The following CYP46A1 variants were observed in gnomAD, a reference collection of about 807,000 sequenced individuals.
CYP46A1 encodes cytochrome P450 family 46 subfamily A member 1.
A neutral mutation model predicts 63.3 loss-of-function variants in CYP46A1; 20 were observed. The observed-to-expected ratio is 0.32, with a 90% CI of 0.22 to 0.46. CYP46A1 has a LOEUF of 0.46. Ranked by LOEUF, CYP46A1 falls within the 20% of genes least tolerant of loss-of-function variation. The pLI, the probability that CYP46A1 is intolerant of heterozygous loss-of-function variation, is 1.00. For synonymous variants in CYP46A1, 268 were observed against 273.6 expected (o/e 0.98, Z 0.20); for missense variants, 445 against 670.8 (o/e 0.66, Z 3.72).
At chr14:99,695,124 A>T (rs1386657215) in intron 3 of CYP46A1, among the ~76,000 whole-genome samples, 8 of 152,338 alleles carry the variant, frequency 5.3e-5, no homozygotes, top group African/African-American at 7.2e-5. Context: ...ATTGATTTCT[A>T]ATTTAATTCT....
chr14:99,700,175 T>A, intron 5 of CYP46A1, 74 bp downstream of exon 5: 2 of 1,227,706 alleles, frequency 1.6e-6, no homozygotes, highest in South Asian at 1.5e-5. Flanking sequence ...TAGGTGGGCC[T>A]TGGGGAGGGA....
chr14:99,697,613 T>C (rs1446215071), intron 3 of CYP46A1, among the ~76,000 whole-genome samples: 1 of 152,206 alleles, frequency 6.6e-6, no homozygotes, highest in Non-Finnish European at 1.5e-5. Context: ...AGACATTTCA[T>C]ACATTTCCCA....
intron 1 of CYP46A1, among the ~76,000 whole-genome samples, chr14:99,689,767 A>G (rs2056527607): frequency 1.3e-5 from 2 of 151,278 alleles, no homozygotes; most frequent in Admixed American, 1.3e-4. Context: ...AGCCCTCGTC[A>G]CCTCTCCCAG....
chr14:99,713,960 C>T (rs1300805040), intron 7 of CYP46A1, among the ~76,000 whole-genome samples: 1 of 146,880 alleles, frequency 6.8e-6, no homozygotes, highest in Non-Finnish European at 1.5e-5. Context: ...AAACTATCAA[C>T]AGAATAAAGA....
Position 99,684,365 on chromosome 14 carries a change from G to A in CYP46A1, c.-53G>A. On this transcript the variant is annotated 5_prime_UTR_variant, in exon 1 of 15. Coordinates refer to ENST00000261835, the MANE Select transcript of CYP46A1 (RefSeq NM_006668.2). The stretch of plus-strand genomic sequence containing the variant: ...CAGCTGAGTCGGCTCGCGGCCTCCC[G>A]GCCCCCTCGGCGCCCGGCCCGACCC... The A allele has an allele frequency of 5.2e-6, 6 of 1,158,960 alleles. No individual in the cohort carries two copies. Among genetic ancestry groups the A allele is most frequent in the Non-Finnish European group, 6.5e-6 (6 of 917,690 alleles). 71.8% of individuals were successfully genotyped at this position (1,158,960 alleles called of 1,614,324 possible).
At chr14:99,717,801 C>A in intron 9 of CYP46A1, 5 of 450,980 alleles carry the variant, frequency 1.1e-5, no homozygotes, top group Non-Finnish European at 2.0e-5. Context: ...TGTGTCCCCC[C>A]CACTCTCCCT....
intron 1 of CYP46A1, among the ~76,000 whole-genome samples, chr14:99,689,258 C>A (rs1191224347): frequency 1.3e-5 from 2 of 152,196 alleles, no homozygotes; most frequent in African/African-American, 4.8e-5. Context: ...TTGGTCCCCC[C>A]AAAGCTGATC....
intron 2 of CYP46A1, chr14:99,691,460 T>C: frequency 1.8e-6 from 1 of 568,500 alleles, no homozygotes; most frequent in Non-Finnish European, 3.1e-6. Context: ...TGTGTCACTT[T>C]TTTACATTTT....
At chr14:99,698,870 G>A (rs950826504) in intron 3 of CYP46A1, among the ~76,000 whole-genome samples, 1 of 152,170 alleles carries the variant, frequency 6.6e-6, no homozygotes, top group Non-Finnish European at 1.5e-5. Flanking sequence ...GCTTTCCTCC[G>A]GGGAGTTTCA....
chr14:99,715,747 G>A (rs921338473), intron 7 of CYP46A1, 63 bp from the exon 8 acceptor site: 4 of 1,605,308 alleles, frequency 2.5e-6, no homozygotes, highest in South Asian at 2.2e-5. Flanking sequence ...CGGGGTGGTG[G>A]GGGAGAGGGG....
chr14:99,684,722 T>C, intron 1 of CYP46A1, 186 bp downstream of exon 1: 1 of 657,310 alleles, frequency 1.5e-6, no homozygotes, highest in Non-Finnish European at 2.8e-6. Flanking sequence ...CAGCAGCTGC[T>C]GGGCGCCCAC....
chr14:99,701,779 C>T (rs888246920), intron 5 of CYP46A1, among the ~76,000 whole-genome samples: 3 of 152,160 alleles, frequency 2.0e-5, no homozygotes, highest in Non-Finnish European at 4.4e-5. Flanking sequence ...CCCTCAAAAG[C>T]AGTCATTCAG....
intron 13 of CYP46A1, 56 bp from the exon 14 acceptor site, chr14:99,726,134 G>T: frequency 2.0e-6 from 3 of 1,495,802 alleles, no homozygotes; most frequent in Middle Eastern, 1.7e-4. Flanking sequence ...TCCTTATGTT[G>T]TTCCTGTGGG....
Position 99,684,460 on chromosome 14 carries a change from G to A in CYP46A1, c.43G>A (p.Ala15Thr), listed in dbSNP as rs1009431847. 1.4e-6 allele frequency: 2 copies of A among 1,475,888 alleles called. No individual in the cohort carries two copies. Among genetic ancestry groups the A allele is most frequent in the Non-Finnish European group, 1.8e-6 (2 of 1,119,742 alleles). The allele number at this position is 1,475,888 out of a possible 1,614,324, so 91.4% of individuals were successfully genotyped here. A position where few individuals can be genotyped will look rare whatever the true frequency, so the allele number is the denominator to read the frequency against. ...LLLLGSAVLLAFGLCCTFVHR... is the reference protein window; with the variant it reads ...LLLLGSAVLLTFGLCCTFVHR... ...GCTGCTCGGCAGCGCCGTCCTGCTC[G>A]CCTTCGGCCTCTGCTGCACCTTCGT... The change falls in exon 1 of 15, where the codon GCC (alanine) becomes ACC (threonine). Residue 15 changes from alanine to threonine, a missense_variant. By Grantham distance (58) the Ala-to-Thr change is moderately conservative. Transcript: ENST00000261835.
chr14:99,699,689 CA>C, intron 4 of CYP46A1, 150 bp downstream of exon 4: 1 of 822,986 alleles, frequency 1.2e-6, no homozygotes, highest in South Asian at 1.6e-5. Flanking sequence ...ACAGTGGCCC[CA>C]CTCTTGTCAC....
intron 9 of CYP46A1, 67 bp from the exon 10 acceptor site, chr14:99,717,987 C>A: frequency 7.8e-7 from 1 of 1,289,468 alleles, no homozygotes; most frequent in South Asian, 1.3e-5. Flanking sequence ...GGCATAGAGG[C>A]AGGCACAAAC....
chr14:99,698,532 C>A (rs960137698), intron 3 of CYP46A1, among the ~76,000 whole-genome samples: 35 of 152,330 alleles, frequency 2.3e-4, no homozygotes, highest in African/African-American at 7.2e-4. Flanking sequence ...CAGGGTGCAG[C>A]TGTGCACCTG....
In CYP46A1 at chr14:99,684,384, C is replaced by G. The variant is rs2056470875; in HGVS notation, c.-34C>G. Reference sequence around the variant, plus strand: ...CCTCCCGGCCCCCTCGGCGCCCGGCCCGACCCTGGCCTGGCCTGCCCTGCC... The same window carrying G: ...CCTCCCGGCCCCCTCGGCGCCCGGCGCGACCCTGGCCTGGCCTGCCCTGCC... On this transcript the variant is annotated 5_prime_UTR_variant, in exon 1 of 15. Transcript: ENST00000261835. 2 of 1,300,124 alleles carry G rather than the reference C, an allele frequency of 1.5e-6. No individual in the cohort carries two copies. Among genetic ancestry groups the G allele is most frequent in the East Asian group, 6.7e-5 (2 of 29,888 alleles). The allele number at this position is 1,300,124 out of a possible 1,614,324, so 80.5% of individuals were successfully genotyped here.
At chr14:99,687,092 A>G (rs757227963) in intron 1 of CYP46A1, among the ~76,000 whole-genome samples, 2 of 152,064 alleles carry the variant, frequency 1.3e-5, no homozygotes, top group Non-Finnish European at 2.9e-5. Flanking sequence ...GCAACTCTTC[A>G]TCTTCCTCAT....
Sources: gnomAD v4.1 joint callset for allele counts (sites outside exome capture counted in the v4.1 genomes callset) on GRCh38, gnomAD v4.1.1 for gene constraint, MANE v1.5 for transcripts, NCBI Gene and HGNC (gene_info 2026-07-23, HGNC 2026-07-21) for gene names.